TMEM132C: variants seen among roughly 807,000 people sequenced by gnomAD.
The protein encoded by TMEM132C is protein phosphatase 1, regulatory subunit 152.
A neutral mutation model predicts 61.4 loss-of-function variants in TMEM132C; 29 were observed. That is an observed-to-expected ratio of 0.47 (90% confidence interval 0.35 to 0.64). TMEM132C has a LOEUF of 0.64. TMEM132C is among the 30% of genes least tolerant of loss of function. The pLI is 0.00. For synonymous variants in TMEM132C, 656 were observed against 633.1 expected, an observed-to-expected ratio of 1.04 and a Z score of -0.54; for missense variants, 1,408 against 1,476.9, an observed-to-expected ratio of 0.95 and a Z score of 0.76.
chr12:128,653,299 T>C (rs1954291541), intron 4 of TMEM132C, among the ~76,000 whole-genome samples: 1 of 152,130 alleles, frequency 6.6e-6, no homozygotes, highest in African/African-American at 2.4e-5. Flanking sequence ...GCTAATGGGA[T>C]TAGAGTCGCC....
At chr12:128,602,407 G>A (rs1323042885) in intron 3 of TMEM132C, among the ~76,000 whole-genome samples, 4 of 152,214 alleles carry the variant, frequency 2.6e-5, no homozygotes, top group African/African-American at 9.6e-5. Context: ...GGAATTTCCA[G>A]TTGAAACTTG....
intron 4 of TMEM132C, among the ~76,000 whole-genome samples, chr12:128,641,857 C>T (rs998715054): frequency 2.0e-5 from 3 of 152,134 alleles, no homozygotes; most frequent in Admixed American, 1.3e-4. Context: ...TGCAGTGGCA[C>T]GATCTCGACT....
chr12:128,364,106 C>A (rs1426308857), intron 1 of TMEM132C, among the ~76,000 whole-genome samples: 1 of 152,100 alleles, frequency 6.6e-6, no homozygotes, highest in Non-Finnish European at 1.5e-5. Flanking sequence ...AAATCTTAAA[C>A]CAGAAATTGC....
At chr12:128,371,372 C>T (rs574928406) in intron 1 of TMEM132C, among the ~76,000 whole-genome samples, 1 of 152,300 alleles carries the variant, frequency 6.6e-6, no homozygotes, top group East Asian at 1.9e-4. Context: ...ATCAAAGCAT[C>T]CATCTTCCTC....
intron 8 of TMEM132C, among the ~76,000 whole-genome samples, chr12:128,699,589 C>T (rs1954789371): frequency 6.6e-6 from 1 of 152,226 alleles, no homozygotes; most frequent in Non-Finnish European, 1.5e-5. Flanking sequence ...TGCTTCCAGT[C>T]TCTCCACCTT....
At chr12:128,416,997 G>A (rs1868803792) in intron 2 of TMEM132C, among the ~76,000 whole-genome samples, 1 of 152,122 alleles carries the variant, frequency 6.6e-6, no homozygotes, top group Non-Finnish European at 1.5e-5. Flanking sequence ...GGGAGGGACA[G>A]GTCTCGCTGT....
At chr12:128,686,053 ATG>A (rs35212839) in intron 5 of TMEM132C, among the ~76,000 whole-genome samples, 4,089 of 143,260 alleles carry the variant, frequency 0.029, 82 homozygotes, top group South Asian at 0.052. Context: ...GCGTGTGTGC[ATG>A]TGTGTGTGTG....
intron 2 of TMEM132C, among the ~76,000 whole-genome samples, chr12:128,527,703 A>ATGTGTGTGTGTG (rs1186342541): frequency 1.6e-5 from 1 of 64,302 alleles, no homozygotes; most frequent in African/African-American, 6.6e-5. Context: ...GTGAATGTGC[A>ATGTGTGTGTGTG]TGTATGTGTG....
intron 2 of TMEM132C, among the ~76,000 whole-genome samples, chr12:128,542,985 A>G (rs976980905): frequency 1.3e-5 from 2 of 152,040 alleles, no homozygotes; most frequent in African/African-American, 4.8e-5. Context: ...AGTGGGATGA[A>G]GGAAAACGGT....
chr12:128,433,316 A>C (rs1869460208), intron 2 of TMEM132C, among the ~76,000 whole-genome samples: 1 of 152,210 alleles, frequency 6.6e-6, no homozygotes, highest in South Asian at 2.1e-4. Context: ...GGAACAGAAC[A>C]AAAAGACGAC....
At chr12:128,475,755 C>T (rs1022132189) in intron 2 of TMEM132C, among the ~76,000 whole-genome samples, 1 of 152,170 alleles carries the variant, frequency 6.6e-6, no homozygotes, top group Non-Finnish European at 1.5e-5. Context: ...GTGAACATAG[C>T]GGCAACACTG....
intron 1 of TMEM132C, chr12:128,288,593 TCAGGCTCCCAGCTCCCC>T (rs1325638682): frequency 6.6e-6 from 1 of 151,982 alleles, no homozygotes; most frequent in Non-Finnish European, 1.5e-5. Context: ...GGGGAGGAGA[TCAGGCTCCCAGCTCCCC>T]CAGCATGACA....
chr12:128,509,084 G>C (rs1050751438), intron 2 of TMEM132C, among the ~76,000 whole-genome samples: 4 of 152,220 alleles, frequency 2.6e-5, no homozygotes, highest in African/African-American at 9.6e-5. Context: ...TGGGCAAGGA[G>C]AGGACAGTGG....
chr12:128,629,752 G>T (rs1207873574), intron 4 of TMEM132C, among the ~76,000 whole-genome samples: 1 of 152,188 alleles, frequency 6.6e-6, no homozygotes, highest in Non-Finnish European at 1.5e-5. Flanking sequence ...TGGATCACGA[G>T]GTCAGGGGTT....
chr12:128,327,336 GCCC>G (rs1175000257), intron 1 of TMEM132C, among the ~76,000 whole-genome samples: 1 of 149,462 alleles, frequency 6.7e-6, no homozygotes, highest in Non-Finnish European at 1.5e-5. Flanking sequence ...GAGAACGTGT[GCCC>G]CAGGTGCCCG....
chr12:128,444,693 A>T (rs12299780), intron 2 of TMEM132C, among the ~76,000 whole-genome samples: 15,174 of 152,230 alleles, frequency 0.1, 891 homozygotes, highest in African/African-American at 0.15. Flanking sequence ...GGCTAAAGAT[A>T]GTGGCAATAA....
chr12:128,560,781 A>G (rs1312643929), intron 3 of TMEM132C, among the ~76,000 whole-genome samples: 1 of 152,240 alleles, frequency 6.6e-6, no homozygotes, highest in Non-Finnish European at 1.5e-5. Flanking sequence ...GCTGAGTGAA[A>G]GATCTTTGTA....
intron 2 of TMEM132C, among the ~76,000 whole-genome samples, chr12:128,528,127 A>G (rs1873155578): frequency 6.6e-6 from 1 of 152,234 alleles, no homozygotes; most frequent in African/African-American, 2.4e-5. Flanking sequence ...CGCTGACTTC[A>G]GGGCTACATC....
chr12:128,607,564 C>T (rs761474604), intron 3 of TMEM132C, among the ~76,000 whole-genome samples: 3 of 152,080 alleles, frequency 2.0e-5, no homozygotes, highest in Non-Finnish European at 2.9e-5. Context: ...GCAGTCGTAA[C>T]GAAGGTGGTG....
Sources: allele counts gnomAD v4.1 joint callset (sites outside exome capture counted in the v4.1 genomes callset), GRCh38; gene constraint gnomAD v4.1.1; transcripts MANE v1.5; gene names NCBI Gene and HGNC (gene_info 2026-07-23, HGNC 2026-07-21).